FOXP1: variants seen among roughly 807,000 people sequenced by gnomAD.
FOXP1 encodes forkhead box protein P1.
Under a neutral mutation model 98.2 loss-of-function variants are expected in FOXP1, and 15 were observed. The observed-to-expected ratio is 0.15, with a 90% CI of 0.10 to 0.24. The LOEUF (loss-of-function observed/expected upper bound fraction) is 0.24. Among genes scored for constraint, FOXP1 ranks in the 10% least tolerant of loss-of-function variants. The probability of loss-of-function intolerance (pLI) is 1.00; values close to 1 mark genes in which losing one functional copy is unlikely to be tolerated. For synonymous variants in FOXP1, 371 were observed against 314.5 expected (o/e 1.18, Z -1.90); for missense variants, 633 against 848.5 (o/e 0.75, Z 3.15).
At chr3:71,291,744 C>T (rs113397461) in intron 5 of FOXP1, among the ~76,000 whole-genome samples, 5 of 133,994 alleles carry the variant, frequency 3.7e-5, no homozygotes, top group Non-Finnish European at 7.8e-5. Context: ...GATGGAGTCT[C>T]ACACCAGGCT....
intron 6 of FOXP1, among the ~76,000 whole-genome samples, chr3:71,182,221 C>A (rs530915876): frequency 2.6e-5 from 4 of 151,898 alleles, no homozygotes; most frequent in African/African-American, 9.7e-5. Context: ...AGAGATAACA[C>A]CAGGGAGCAG....
chr3:71,219,719 T>C (rs1272306176), intron 5 of FOXP1, among the ~76,000 whole-genome samples: 1 of 152,232 alleles, frequency 6.6e-6, no homozygotes, highest in East Asian at 1.9e-4. Flanking sequence ...TACTATAATT[T>C]GTATCTTATT....
chr3:71,456,219 T>C (rs1048723572), intron 3 of FOXP1, among the ~76,000 whole-genome samples: 9 of 152,114 alleles, frequency 5.9e-5, no homozygotes, highest in African/African-American at 1.7e-4. Flanking sequence ...CCTTGCTGTA[T>C]TGCAAAGCAC....
At chr3:71,537,956 C>T (rs150495791) in intron 2 of FOXP1, among the ~76,000 whole-genome samples, 1 of 152,294 alleles carries the variant, frequency 6.6e-6, no homozygotes, top group Non-Finnish European at 1.5e-5. Context: ...CACAACCACA[C>T]CCAGTCACTT....
At chr3:71,387,006 G>T (rs1178210044) in intron 3 of FOXP1, among the ~76,000 whole-genome samples, 1 of 151,984 alleles carries the variant, frequency 6.6e-6, no homozygotes, top group African/African-American at 2.4e-5. Context: ...ACCAACCAAA[G>T]GAATTGTTCA....
intron 6 of FOXP1, among the ~76,000 whole-genome samples, chr3:71,195,392 G>C (rs2108362439): frequency 6.6e-6 from 1 of 152,276 alleles, no homozygotes; most frequent in Admixed American, 6.5e-5. Flanking sequence ...TCCTGGCACT[G>C]AGTAAAAACT....
chr3:71,203,850 C>A (rs1358521420), intron 5 of FOXP1, among the ~76,000 whole-genome samples: 2 of 151,824 alleles, frequency 1.3e-5, no homozygotes, highest in African/African-American at 2.4e-5. Flanking sequence ...AAGAAAAATT[C>A]TCTTTCTCAT....
At chr3:71,038,037 T>A (rs1476623073) in intron 11 of FOXP1, among the ~76,000 whole-genome samples, 1 of 152,172 alleles carries the variant, frequency 6.6e-6, no homozygotes, top group Non-Finnish European at 1.5e-5. Flanking sequence ...ACATTATTTA[T>A]CTCCTTAACA....
Position 71,276,955 on chromosome 3 carries a change from C to CTTTT in FOXP1, c.-12+22861_-12+22864dup, listed in dbSNP as rs34014285. 5.8e-3 allele frequency among the ~76,000 whole-genome samples: 748 copies of CTTTT among 129,440 alleles called. 13 individuals are homozygous for CTTTT. Among genetic ancestry groups the CTTTT allele is most frequent in the African/African-American group, 0.02 (696 of 34,562 alleles). The allele number at this position is 129,440 out of a possible 152,430, so 84.9% of individuals were successfully genotyped here. ...CTGTTCTACTTTTTAAGTAGATCAA[C>CTTTT]TTTTTTTTTTTTTTTTTTTTAGAGA... On this transcript the variant is annotated intron_variant, in intron 5 of 20. Transcript: ENST00000649528.
intron 9 of FOXP1, 26 bp downstream of exon 9, chr3:71,052,511 G>C (rs1230766376): frequency 2.1e-6 from 2 of 958,646 alleles, no homozygotes; most frequent in Non-Finnish European, 3.4e-6. Flanking sequence ...TCTGTGGTTT[G>C]AAAGTAAAAT....
intron 5 of FOXP1, among the ~76,000 whole-genome samples, chr3:71,205,245 C>T (rs2063947989): frequency 1.3e-5 from 2 of 152,142 alleles, no homozygotes; most frequent in African/African-American, 4.8e-5. Context: ...CATAAATCTA[C>T]TTTCTCATTA....
At chr3:71,173,390 C>T (rs1248411643) in intron 6 of FOXP1, among the ~76,000 whole-genome samples, 1 of 139,932 alleles carries the variant, frequency 7.1e-6, no homozygotes, top group Non-Finnish European at 1.6e-5. Flanking sequence ...AATTCACACA[C>T]ACACACACAC....
chr3:70,976,448 T>C (rs1483212915), intron 17 of FOXP1, among the ~76,000 whole-genome samples: 1 of 152,214 alleles, frequency 6.6e-6, no homozygotes, highest in Admixed American at 6.5e-5. Flanking sequence ...CTACAAACAG[T>C]GCTAGTGCTT....
intron 17 of FOXP1, among the ~76,000 whole-genome samples, chr3:70,975,063 A>AAATT (rs1169396533): frequency 2.0e-5 from 3 of 152,232 alleles, no homozygotes; most frequent in African/African-American, 7.2e-5. Context: ...CACGTACAGA[A>AAATT]AATTATACGT....
At chr3:71,265,952 G>T (rs184032315) in intron 5 of FOXP1, among the ~76,000 whole-genome samples, 2 of 152,146 alleles carry the variant, frequency 1.3e-5, no homozygotes, top group Non-Finnish European at 2.9e-5. Flanking sequence ...AGTGCAAGAG[G>T]CCATCCCGGT....
intron 5 of FOXP1, chr3:71,292,471 A>T (rs529098965): frequency 1.1e-4 from 16 of 152,274 alleles, no homozygotes; most frequent in African/African-American, 3.9e-4. Flanking sequence ...GGTAGCTGGG[A>T]CTACAGGTGT....
In FOXP1 at chr3:71,067,930, AAAAT is replaced by A. The variant is rs2052736302; in HGVS notation, c.283-14161_283-14158del. On this transcript the variant is annotated intron_variant, in intron 7 of 20. Coordinates refer to ENST00000649528, the MANE Select transcript of FOXP1 (RefSeq NM_001349338.3). ...GAAACTGTCTTAAAAAATAAAAAAT[AAAAT>A]AAAAAAAAAATATATACTACAGGCT... Among the ~76,000 whole-genome samples, 3 of 133,000 alleles carry A rather than the reference AAAAT, an allele frequency of 2.3e-5. No individual in the cohort carries two copies. The South Asian group carries it at 9.9e-4, about 44-fold the overall frequency. The allele number at this position is 133,000 out of a possible 152,430, so 87.3% of individuals were successfully genotyped here. A position where few individuals can be genotyped will look rare whatever the true frequency, so the allele number is the denominator to read the frequency against.
intron 4 of FOXP1, among the ~76,000 whole-genome samples, chr3:71,301,568 C>A (rs767002449): frequency 6.6e-6 from 1 of 152,140 alleles, no homozygotes; most frequent in Non-Finnish European, 1.5e-5. Flanking sequence ...CCAATACATG[C>A]ACTGTAAACT....
chr3:71,531,063 T>C (rs542210262), intron 2 of FOXP1, among the ~76,000 whole-genome samples: 3 of 152,394 alleles, frequency 2.0e-5, no homozygotes, highest in African/African-American at 4.8e-5. Flanking sequence ...CACTTCCTTA[T>C]GTTTAAATCT....
Sources: allele counts gnomAD v4.1 joint callset (sites outside exome capture counted in the v4.1 genomes callset), GRCh38; gene constraint gnomAD v4.1.1; transcripts MANE v1.5; gene names NCBI Gene and HGNC (gene_info 2026-07-23, HGNC 2026-07-21).